Variants in PRLR observed in about 807,000 individuals in gnomAD.
PRLR encodes prolactin receptor.
A neutral mutation model predicts 40.2 loss-of-function variants in PRLR; 13 were observed. The observed-to-expected ratio is 0.32, with a 90% CI of 0.21 to 0.51. PRLR has a LOEUF of 0.51. PRLR is among the 20% of genes least tolerant of loss of function. PRLR has a pLI of 0.97. For synonymous variants in PRLR, 269 were observed against 278.7 expected (o/e 0.97, Z 0.35); for missense variants, 656 against 747.3 (o/e 0.88, Z 1.42).
At chr5:35,096,575 G>C (rs1286371376) in intron 2 of PRLR, among the ~76,000 whole-genome samples, 1 of 151,826 alleles carries the variant, frequency 6.6e-6, no homozygotes, top group Non-Finnish European at 1.5e-5. Flanking sequence ...TCTAATCCAG[G>C]ATTCCCATTA....
At chr5:35,157,794 A>G (rs534647697) in intron 1 of PRLR, among the ~76,000 whole-genome samples, 67 of 152,386 alleles carry the variant, frequency 4.4e-4, no homozygotes, top group Non-Finnish European at 8.7e-4. Context: ...ATCTGTCTTC[A>G]TATTTGAATA....
chr5:35,208,755 AT>A (rs974690095), intron 1 of PRLR, among the ~76,000 whole-genome samples: 1 of 152,084 alleles, frequency 6.6e-6, no homozygotes, highest in Non-Finnish European at 1.5e-5. Flanking sequence ...AAAATTAAGA[AT>A]TTTTTTACAT....
chr5:35,051,145 A>T (rs927669875), downstream of PRLR, among the ~76,000 whole-genome samples: 4 of 152,242 alleles, frequency 2.6e-5, no homozygotes, highest in African/African-American at 4.8e-5. Flanking sequence ...AGGAAGTAAC[A>T]TTCTGGAGAA....
intron 2 of PRLR, among the ~76,000 whole-genome samples, chr5:35,105,600 G>C (rs182309962): frequency 6.6e-6 from 1 of 152,258 alleles, no homozygotes; most frequent in Non-Finnish European, 1.5e-5. Flanking sequence ...TTCAGTAGCT[G>C]ATTTGATCAA....
intron 1 of PRLR, among the ~76,000 whole-genome samples, chr5:35,179,584 A>G (rs1044519095): frequency 2.0e-5 from 3 of 152,024 alleles, no homozygotes; most frequent in African/African-American, 7.3e-5. Context: ...TGATAACAGC[A>G]CCTCTCTATG....
chr5:35,108,434 G>T (rs1772421088), intron 2 of PRLR, among the ~76,000 whole-genome samples: 1 of 152,160 alleles, frequency 6.6e-6, no homozygotes, highest in Non-Finnish European at 1.5e-5. Context: ...AAGTCAAATT[G>T]TCCCTCTTTG....
chr5:35,129,812 G>A (rs1439127669), intron 1 of PRLR, among the ~76,000 whole-genome samples: 1 of 151,926 alleles, frequency 6.6e-6, no homozygotes, highest in Non-Finnish European at 1.5e-5. Context: ...GGTGGGAGTG[G>A]GCACAAGGCA....
chr5:35,147,415 T>C (rs1774212326), intron 1 of PRLR, among the ~76,000 whole-genome samples: 3 of 152,182 alleles, frequency 2.0e-5, no homozygotes, highest in African/African-American at 7.2e-5. Context: ...AACAGCAAAT[T>C]TCTTGCTTTG....
intron 1 of PRLR, among the ~76,000 whole-genome samples, chr5:35,200,971 T>C (rs549853494): frequency 6.2e-4 from 94 of 152,328 alleles, no homozygotes; most frequent in African/African-American, 2.0e-3. Flanking sequence ...AAGGCTCTAC[T>C]TTTTCCTTCC....
chr5:35,118,319 A>C (rs1345665064), intron 1 of PRLR, among the ~76,000 whole-genome samples, 197 bp from the exon 2 acceptor site: 1 of 145,016 alleles, frequency 6.9e-6, no homozygotes, highest in Non-Finnish European at 1.5e-5. Flanking sequence ...GTTATAAAAT[A>C]GTAAAAAAAA....
chr5:35,094,439 C>T (rs1771408763), intron 2 of PRLR, among the ~76,000 whole-genome samples: 2 of 152,062 alleles, frequency 1.3e-5, no homozygotes, highest in African/African-American at 4.8e-5. Context: ...TTTATTCATT[C>T]TACTGTGTTG....
At chr5:35,103,733 C>A (rs1385636247) in intron 2 of PRLR, among the ~76,000 whole-genome samples, 1 of 152,134 alleles carries the variant, frequency 6.6e-6, no homozygotes, top group East Asian at 1.9e-4. Flanking sequence ...GTTTGGGAGA[C>A]AGAAATTAAT....
chr5:35,150,113 A>G (rs1248023080), intron 1 of PRLR, among the ~76,000 whole-genome samples: 1 of 152,064 alleles, frequency 6.6e-6, no homozygotes, highest in Non-Finnish European at 1.5e-5. Flanking sequence ...CGAACTCCCA[A>G]CCTCAGGTGA....
At chr5:35,071,139 T>A (rs1769723209) in intron 6 of PRLR, among the ~76,000 whole-genome samples, 1 of 152,186 alleles carries the variant, frequency 6.6e-6, no homozygotes, top group South Asian at 2.1e-4. Context: ...ACCTCTGAAT[T>A]TACCAATTCT....
intron 1 of PRLR, among the ~76,000 whole-genome samples, chr5:35,217,914 T>C (rs1776325593): frequency 6.6e-6 from 1 of 152,224 alleles, no homozygotes; most frequent in Non-Finnish European, 1.5e-5. Flanking sequence ...TTAAATGACT[T>C]GATTTTAGCT....
At chr5:35,219,593 A>G (rs1472446694) in intron 1 of PRLR, among the ~76,000 whole-genome samples, 1 of 152,222 alleles carries the variant, frequency 6.6e-6, no homozygotes, top group Non-Finnish European at 1.5e-5. Context: ...CTTGGTAAAC[A>G]CAGCCAAAGT....
chr5:35,117,494 C>G (rs563745152), intron 2 of PRLR, among the ~76,000 whole-genome samples: 3 of 152,212 alleles, frequency 2.0e-5, no homozygotes, highest in South Asian at 4.2e-4. Flanking sequence ...AAAATGGAGT[C>G]GTAATACTTC....
At chr5:35,217,876 AC>A (rs1776322473) in intron 1 of PRLR, among the ~76,000 whole-genome samples, 1 of 152,202 alleles carries the variant, frequency 6.6e-6, no homozygotes, top group Non-Finnish European at 1.5e-5. Context: ...TCCTGTGATC[AC>A]ATAACTGCCA....
rs568388241 is a variant in PRLR at position 35,068,115 on chromosome 5, G to A, written c.855+101C>T. ...GAGAGACAGTCCAAAAAGGCTGGCTGAAACTACCAGGCTGAACTGACGGGG... is the reference window on the plus strand; with the variant it reads ...GAGAGACAGTCCAAAAAGGCTGGCTAAAACTACCAGGCTGAACTGACGGGG... On this transcript the variant is annotated intron_variant, in intron 9 of 9. Coordinates refer to ENST00000618457, the MANE Select transcript of PRLR (RefSeq NM_000949.7). 94 of 1,149,336 alleles carry A rather than the reference G, an allele frequency of 8.2e-5. 1 individual carries two copies. Among genetic ancestry groups the A allele is most frequent in the Non-Finnish European group, 1.1e-4 (83 of 764,244 alleles). The allele number at this position is 1,149,336 out of a possible 1,614,324, so 71.2% of individuals were successfully genotyped here.
Sources: allele counts gnomAD v4.1 joint callset (sites outside exome capture counted in the v4.1 genomes callset), GRCh38; gene constraint gnomAD v4.1.1; transcripts MANE v1.5; gene names NCBI Gene and HGNC (gene_info 2026-07-23, HGNC 2026-07-21).